NEDD4L: variants seen among roughly 807,000 people sequenced by gnomAD.
NEDD4L encodes E3 ubiquitin-protein ligase NEDD4-like.
NEDD4L carries 54 observed loss-of-function variants against 148.9 expected under a neutral mutation model. The ratio of observed to expected loss-of-function variants is 0.36; its 90% CI spans 0.29 to 0.45. The LOEUF (loss-of-function observed/expected upper bound fraction) is 0.45, where lower values mean the gene tolerates loss of function less well. NEDD4L is among the 20% of genes least tolerant of loss of function. The pLI, the probability that NEDD4L is intolerant of heterozygous loss-of-function variation, is 1.00. For synonymous variants in NEDD4L, 433 were observed against 440.7 expected (o/e 0.98, Z 0.22); for missense variants, 856 against 1,233.8 (o/e 0.69, Z 4.59).
intron 20 of NEDD4L, among the ~76,000 whole-genome samples, chr18:58,365,101 G>C (rs2045944694): frequency 6.6e-6 from 1 of 152,110 alleles, no homozygotes; most frequent in Non-Finnish European, 1.5e-5. Context: ...CCCTCAGCTG[G>C]TTCCTCCTGC....
intron 2 of NEDD4L, among the ~76,000 whole-genome samples, chr18:58,177,733 A>C (rs2038346583): frequency 6.6e-6 from 1 of 152,210 alleles, no homozygotes; most frequent in Non-Finnish European, 1.5e-5. Context: ...GGAACTCCAG[A>C]ATGTTGTCTT....
chr18:58,302,492 G>T (rs2056610826), intron 5 of NEDD4L, among the ~76,000 whole-genome samples: 1 of 152,158 alleles, frequency 6.6e-6, no homozygotes, highest in Non-Finnish European at 1.5e-5. Context: ...CAACACAACA[G>T]TTCCTTCATT....
At chr18:58,390,793 G>T in intron 29 of NEDD4L, 51 bp downstream of exon 29, 1 of 1,366,024 alleles carries the variant, frequency 7.3e-7, no homozygotes, top group Non-Finnish European at 1.0e-6. Context: ...TTTCCAGCCA[G>T]GCATGAACTC....
chr18:58,383,340 T>G (rs1446446036), intron 25 of NEDD4L, 21 bp downstream of exon 25: 4 of 1,327,658 alleles, frequency 3.0e-6, no homozygotes, highest in Non-Finnish European at 4.2e-6. Context: ...ACATATTTAC[T>G]GCCTTTTCTT....
At position 58,330,789 on chromosome 18, in the gene NEDD4L, C is replaced by T. The variant is rs376568942; in HGVS notation, c.865C>T (p.Leu289=). The T allele has an allele frequency of 6.2e-7, 1 of 1,613,130 alleles. No homozygotes were observed. Among genetic ancestry groups the T allele is most frequent in the African/African-American group, 1.3e-5 (1 of 74,988 alleles). ...GAATATCGCTGGAGACTCTCTCGGTCTGGCTCTGCCCCCACCACCGGCCTC... is the reference window on the plus strand; with the variant it reads ...GAATATCGCTGGAGACTCTCTCGGTTTGGCTCTGCCCCCACCACCGGCCTC... ...EVNIAGDSLG[L]ALPPPPASPG... is the part of the protein sequence containing the mutation. The change falls in exon 11 of 31, where the codon CTG becomes TTG. Residue 289 remains leucine, a synonymous_variant. Coordinates refer to ENST00000400345, the MANE Select transcript of NEDD4L (RefSeq NM_001144967.3).
At chr18:58,340,658 C>T (rs2042304372) in intron 13 of NEDD4L, among the ~76,000 whole-genome samples, 1 of 152,238 alleles carries the variant, frequency 6.6e-6, no homozygotes. Context: ...CTCTCATACA[C>T]AGTGACACTG....
chr18:58,308,914 G>A (rs1020635727), intron 5 of NEDD4L, among the ~76,000 whole-genome samples: 6 of 152,336 alleles, frequency 3.9e-5, no homozygotes, highest in African/African-American at 7.2e-5. Context: ...GTCCCTGAGC[G>A]GAACCCTTCT....
At chr18:58,055,954 A>G (rs1265138148) in intron 1 of NEDD4L, among the ~76,000 whole-genome samples, 2 of 152,208 alleles carry the variant, frequency 1.3e-5, no homozygotes, top group African/African-American at 4.8e-5. Context: ...TCATGACCGT[A>G]TAAGGTGTTG....
intron 5 of NEDD4L, among the ~76,000 whole-genome samples, chr18:58,297,227 G>A (rs1311964541): frequency 1.3e-5 from 2 of 152,246 alleles, no homozygotes; most frequent in African/African-American, 4.8e-5. Context: ...AAGTTTCAGG[G>A]GTCAGGACCT....
chr18:58,373,842 A>G (rs1054688800), intron 24 of NEDD4L, among the ~76,000 whole-genome samples: 1 of 152,312 alleles, frequency 6.6e-6, no homozygotes, highest in African/African-American at 2.4e-5. Context: ...GTGGATTTCA[A>G]AGGTAAAGTT....
At chr18:58,340,699 G>T (rs1254464052) in intron 13 of NEDD4L, among the ~76,000 whole-genome samples, 2 of 152,178 alleles carry the variant, frequency 1.3e-5, no homozygotes, top group Admixed American at 6.5e-5. Context: ...AGCTCTACCT[G>T]GTTTGGCAGT....
intron 1 of NEDD4L, among the ~76,000 whole-genome samples, chr18:58,145,963 C>A (rs551592546): frequency 6.6e-6 from 1 of 152,118 alleles, no homozygotes; most frequent in African/African-American, 2.4e-5. Context: ...GGAAACAGTT[C>A]TGCTTCATGA....
At position 58,287,689 on chromosome 18, in the gene NEDD4L, T is replaced by C. The variant is rs549899142; in HGVS notation, c.298-28293T>C. On this transcript the variant is annotated intron_variant, in intron 5 of 30. Coordinates refer to ENST00000400345, the MANE Select transcript of NEDD4L (RefSeq NM_001144967.3). ...ACGCATATTTCCCTTTGCTTCCTTA[T>C]GTATCGTATTTTTTCAAGAAGAAGA... Among the ~76,000 whole-genome samples the C allele has an allele frequency of 7.2e-5, 11 of 152,344 alleles. No individual in the cohort carries two copies. The South Asian group carries it at 2.3e-3, about 32-fold the overall frequency.
intron 5 of NEDD4L, among the ~76,000 whole-genome samples, chr18:58,271,367 A>G (rs2051016459): frequency 6.6e-6 from 1 of 152,098 alleles, no homozygotes; most frequent in Non-Finnish European, 1.5e-5. Flanking sequence ...AGCAACTTTT[A>G]TTTTTATTAC....
chr18:58,368,843 AT>A (rs1451721893), intron 22 of NEDD4L, among the ~76,000 whole-genome samples: 3 of 152,226 alleles, frequency 2.0e-5, no homozygotes, highest in Non-Finnish European at 4.4e-5. Context: ...TATAGTGTGA[AT>A]ATATTTTAAT....
In NEDD4L at chr18:58,349,540, G is replaced by A; in HGVS notation, c.1579G>A (p.Asp527Asn). ...GTCTTTTACATTTTTCTTGCAGGAA[G>A]ATCCACGTTTGAAATTTCCAGTACA... ...DHNTKTTTWE[D>N]PRLKFPVHMR... The change falls in exon 17 of 31, where the codon GAT (aspartate) becomes AAT (asparagine). Residue 527 changes from aspartate to asparagine, a missense_variant. This residue lies in a region of NEDD4L where 367 missense variants were observed against 422.7 expected (regional missense o/e 0.87). Coordinates refer to ENST00000400345, the MANE Select transcript of NEDD4L (RefSeq NM_001144967.3). 6.2e-7 allele frequency: 1 copy of A among 1,613,598 alleles called. No homozygotes were observed. Among genetic ancestry groups the A allele is most frequent in the Non-Finnish European group, 8.5e-7 (1 of 1,179,528 alleles).
At chr18:58,082,863 G>T (rs2083543602) in intron 1 of NEDD4L, among the ~76,000 whole-genome samples, 1 of 151,434 alleles carries the variant, frequency 6.6e-6, no homozygotes, top group Admixed American at 6.6e-5. Context: ...TGTTCACTTA[G>T]TTATTTGATA....
chr18:58,112,460 GTATATA>G (rs150981639), intron 1 of NEDD4L, among the ~76,000 whole-genome samples: 1 of 150,102 alleles, frequency 6.7e-6, no homozygotes, highest in African/African-American at 2.4e-5. Flanking sequence ...TTTTCAGTAT[GTATATA>G]TATATAGAGA....
At chr18:58,186,785 G>A (rs966414209) in intron 2 of NEDD4L, among the ~76,000 whole-genome samples, 1 of 152,216 alleles carries the variant, frequency 6.6e-6, no homozygotes, top group African/African-American at 2.4e-5. Context: ...CTCACTGCAC[G>A]CCAGTCACCT....
Sources: allele counts gnomAD v4.1 joint callset (sites outside exome capture counted in the v4.1 genomes callset), GRCh38; gene constraint gnomAD v4.1.1; regional missense constraint gnomAD v4.1.1; transcripts MANE v1.5; gene names NCBI Gene and HGNC (gene_info 2026-07-23, HGNC 2026-07-21).